Variants in RARB observed in about 807,000 individuals in gnomAD.
RARB encodes the protein HBV-activated protein.
In RARB, 17 loss-of-function variants were observed where a neutral mutation model predicts 51.9. The observed-to-expected ratio is 0.33, with a 90% CI of 0.22 to 0.49. RARB has a LOEUF of 0.49. Among genes scored for constraint, RARB ranks in the 20% least tolerant of loss-of-function variants. The pLI, the probability that RARB is intolerant of heterozygous loss-of-function variation, is 0.99. For synonymous variants in RARB, 215 were observed against 195.4 expected, an observed-to-expected ratio of 1.10 and a Z score of -0.84; for missense variants, 369 against 550.8, an observed-to-expected ratio of 0.67 and a Z score of 3.30.
intron 5 of RARB, among the ~76,000 whole-genome samples, chr3:25,359,448 G>T (rs1049898251): frequency 1.3e-5 from 2 of 150,648 alleles, no homozygotes; most frequent in Non-Finnish European, 3.0e-5. Context: ...TTGATTTTTC[G>T]AAGGGTTTTT....
At chr3:25,115,223 C>T (rs901693207) in intron 3 of RARB, among the ~76,000 whole-genome samples, 1 of 152,096 alleles carries the variant, frequency 6.6e-6, no homozygotes, top group African/African-American at 2.4e-5. Flanking sequence ...AAAAAACTGT[C>T]TACCTAAGTC....
rs114458086 is a variant in RARB at position 25,509,927 on chromosome 3, C to T, written c.448+8604C>T. The stretch of plus-strand genomic sequence containing the variant: ...TCTGTGGCCTGCCTTCCTCCAGATC[C>T]GTCATGTCCCTTCTCCCAACCAACT... On this transcript the variant is annotated intron_variant, in intron 3 of 7. Transcript: ENST00000330688. Among the ~76,000 whole-genome samples the T allele has an allele frequency of 3.8e-3, 579 of 152,306 alleles. 3 individuals carry two copies. Among genetic ancestry groups the T allele is most frequent in the African/African-American group, 0.013 (548 of 41,564 alleles).
intron 3 of RARB, among the ~76,000 whole-genome samples, chr3:25,505,921 C>T (rs977939841): frequency 3.9e-5 from 6 of 151,992 alleles, no homozygotes; most frequent in African/African-American, 7.2e-5. Context: ...GACAAGCTTA[C>T]GGTATAGATA....
chr3:25,564,368 C>T (rs989901813), intron 3 of RARB, among the ~76,000 whole-genome samples: 4 of 152,180 alleles, frequency 2.6e-5, no homozygotes, highest in Non-Finnish European at 4.4e-5. Flanking sequence ...ATCCAAGAAG[C>T]GCTTTGCAAA....
chr3:24,948,398 G>C (rs1695819675), intron 2 of RARB, among the ~76,000 whole-genome samples: 1 of 152,196 alleles, frequency 6.6e-6, no homozygotes, highest in Non-Finnish European at 1.5e-5. Flanking sequence ...GAGGTGGAAA[G>C]TGAACCACAC....
At position 25,475,529 on chromosome 3, in the gene RARB, A is replaced by G. The variant is rs1242772833; in HGVS notation, c.306+14188A>G. 3.3e-5 allele frequency among the ~76,000 whole-genome samples: 5 copies of G among 152,338 alleles called. No individual in the cohort carries two copies. In the East Asian group the frequency reaches 5.8e-4, roughly 18 times the overall value. ...TGACATTCCTATAAGAATATATAAAACAGAATTTATATAGGAAAGAAAAAA... is the reference window on the plus strand; with the variant it reads ...TGACATTCCTATAAGAATATATAAAGCAGAATTTATATAGGAAAGAAAAAA... On this transcript the variant is annotated intron_variant, in intron 2 of 7. Transcript: ENST00000330688.
intron 5 of RARB, among the ~76,000 whole-genome samples, chr3:25,204,722 A>C (rs1407941422): frequency 3.3e-5 from 5 of 152,190 alleles, no homozygotes; most frequent in African/African-American, 1.2e-4. Flanking sequence ...TATCAGCAGC[A>C]GAGGCTGCAG....
At chr3:25,105,459 A>G (rs1178023209) in intron 3 of RARB, among the ~76,000 whole-genome samples, 3 of 151,248 alleles carry the variant, frequency 2.0e-5, no homozygotes, top group Non-Finnish European at 2.9e-5. Context: ...GTGGTGCCAT[A>G]AAGGGCATCA....
At chr3:24,954,689 C>T (rs1695970857) in intron 2 of RARB, among the ~76,000 whole-genome samples, 1 of 151,958 alleles carries the variant, frequency 6.6e-6, no homozygotes, top group African/African-American at 2.4e-5. Context: ...GTCATTATTG[C>T]TAATGGATTT....
chr3:25,474,388 T>C (rs934066466), intron 2 of RARB, among the ~76,000 whole-genome samples: 1 of 152,230 alleles, frequency 6.6e-6, no homozygotes, highest in Non-Finnish European at 1.5e-5. Flanking sequence ...TTCTGAAAGC[T>C]GCTGCTCTAA....
At chr3:25,306,600 C>T (rs948424232) in intron 5 of RARB, among the ~76,000 whole-genome samples, 3 of 151,768 alleles carry the variant, frequency 2.0e-5, no homozygotes, top group Admixed American at 6.6e-5. Context: ...GCAACTGAAA[C>T]ATATTGATTT....
At chr3:25,562,063 C>T (rs1365196397) in intron 3 of RARB, among the ~76,000 whole-genome samples, 2 of 152,114 alleles carry the variant, frequency 1.3e-5, no homozygotes, top group African/African-American at 4.8e-5. Context: ...TATTTGAAGA[C>T]TATTGATTCC....
At chr3:25,211,146 G>A (rs1269703780) in intron 5 of RARB, among the ~76,000 whole-genome samples, 1 of 152,096 alleles carries the variant, frequency 6.6e-6, no homozygotes, top group Non-Finnish European at 1.5e-5. Context: ...TGATATTATT[G>A]ATGTTGAAAA....
At chr3:25,337,821 C>T (rs1165297779) in intron 5 of RARB, among the ~76,000 whole-genome samples, 1 of 151,986 alleles carries the variant, frequency 6.6e-6, no homozygotes, top group East Asian at 1.9e-4. Flanking sequence ...TTCTTGTTTG[C>T]CCTCTTCCCT....
intron 3 of RARB, among the ~76,000 whole-genome samples, chr3:25,546,317 A>G (rs1347738578): frequency 6.6e-6 from 1 of 152,184 alleles, no homozygotes; most frequent in South Asian, 2.1e-4. Context: ...ACTGGGGTGA[A>G]TAGCATCCAG....
chr3:25,236,446 C>T (rs910069595), intron 5 of RARB, among the ~76,000 whole-genome samples: 2 of 152,082 alleles, frequency 1.3e-5, no homozygotes, highest in Non-Finnish European at 2.9e-5. Context: ...CTAAGAAGTC[C>T]TCTTCTAAAA....
In RARB at chr3:25,110,569, G is replaced by C. The variant is rs147711701; in HGVS notation, c.-327-21592G>C. Among the ~76,000 whole-genome samples, 9 of 152,290 alleles carry C rather than the reference G, an allele frequency of 5.9e-5. No individual in the cohort carries two copies. In the East Asian group the frequency reaches 1.5e-3, roughly 26 times the overall value. On this transcript the variant is annotated intron_variant, in intron 3 of 11. Transcript: ENST00000383772. Reference sequence around the variant, plus strand: ...CATCCAACAAGGAAACGAAGTGCCAGTTCACCTAGTAAAGGAGAACCATAA... The same window carrying C: ...CATCCAACAAGGAAACGAAGTGCCACTTCACCTAGTAAAGGAGAACCATAA...
chr3:25,387,076 C>T (rs796315897), intron 5 of RARB, among the ~76,000 whole-genome samples: 2 of 152,186 alleles, frequency 1.3e-5, no homozygotes, highest in South Asian at 2.1e-4. Context: ...TGTAGAAATG[C>T]ATCTGTTAGC....
chr3:24,978,375 G>A (rs1439745489), intron 2 of RARB, among the ~76,000 whole-genome samples: 3 of 152,034 alleles, frequency 2.0e-5, no homozygotes, highest in Non-Finnish European at 2.9e-5. Context: ...CTGTGAATCT[G>A]TCTGGTCCTG....
Sources: gnomAD v4.1 joint callset for allele counts (sites outside exome capture counted in the v4.1 genomes callset) on GRCh38, gnomAD v4.1.1 for gene constraint, MANE v1.5 for transcripts, NCBI Gene and HGNC (gene_info 2026-07-23, HGNC 2026-07-21) for gene names.